The following TSG101 variants were observed in gnomAD, a reference collection of about 807,000 sequenced individuals.
The protein encoded by TSG101 is tumor susceptibility gene 101 protein.
In TSG101, 19 loss-of-function variants were observed where a neutral mutation model predicts 48.5. The observed-to-expected ratio is 0.39, with a 90% CI of 0.27 to 0.58. The LOEUF (loss-of-function observed/expected upper bound fraction) is 0.58. Among genes scored for constraint, TSG101 ranks in the 20% least tolerant of loss-of-function variants. The pLI is 0.55. For missense variants in TSG101, 365 were observed against 484.4 expected, an observed-to-expected ratio of 0.75 and a Z score of 2.31; for synonymous variants, 174 against 169.4, an observed-to-expected ratio of 1.03 and a Z score of -0.21.
At position 18,481,811 on chromosome 11, in the gene TSG101, G is replaced by A; in HGVS notation, c.902C>T (p.Ala301Val). The A allele has an allele frequency of 1.9e-6, 3 of 1,614,076 alleles. No individual in the cohort carries two copies. The highest frequency in any genetic ancestry group is 1.3e-5 in the African/African-American group (1 of 75,036). Residue 301 changes from alanine to valine, a missense_variant, in exon 9 of 10, where the codon GCT (alanine) becomes GTT (valine). Coordinates refer to ENST00000251968, the MANE Select transcript of TSG101 (RefSeq NM_006292.4). ...LKKKDEELSSALEKMENQSEN... is the reference protein window; with the variant it reads ...LKKKDEELSSVLEKMENQSEN... ...AGACTGATTTTCCATTTTTTCCAGA[G>A]CAGAACTGAGTTCTTCATCCTTCTT...
intron 4 of TSG101, 67 bp downstream of exon 4, chr11:18,514,611 G>T (rs1280628551): frequency 7.4e-6 from 10 of 1,351,310 alleles, no homozygotes; most frequent in Non-Finnish European, 9.8e-6. Context: ...AGTGCTAAAA[G>T]AAAGCAGATG....
intron 1 of TSG101, 60 bp downstream of exon 1, chr11:18,526,715 G>T: frequency 3.2e-6 from 5 of 1,571,672 alleles, no homozygotes; most frequent in Non-Finnish European, 3.4e-6. Flanking sequence ...GGACGGACTC[G>T]ACAGGGCGCG....
At chr11:18,508,157 C>T (rs1049710809) in intron 5 of TSG101, among the ~76,000 whole-genome samples, 8 of 150,748 alleles carry the variant, frequency 5.3e-5, no homozygotes, top group Admixed American at 6.6e-5. Flanking sequence ...TTTGTCATAG[C>T]GGTCACTCGC....
chr11:18,497,118 T>C (rs1272822300), intron 7 of TSG101, among the ~76,000 whole-genome samples: 4 of 151,848 alleles, frequency 2.6e-5, no homozygotes. Flanking sequence ...AAAACAAGGA[T>C]AAATAACCAA....
At chr11:18,487,848 G>A (rs1301484964) in intron 7 of TSG101, among the ~76,000 whole-genome samples, 2 of 152,030 alleles carry the variant, frequency 1.3e-5, no homozygotes, top group Non-Finnish European at 2.9e-5. Flanking sequence ...TACAGTATTA[G>A]GCAGGAAGCT....
At chr11:18,503,533 C>T (rs1474655605) in intron 6 of TSG101, among the ~76,000 whole-genome samples, 2 of 151,940 alleles carry the variant, frequency 1.3e-5, no homozygotes, top group South Asian at 2.1e-4. Context: ...CCACCACACC[C>T]GGCTAATTTT....
chr11:18,483,021 T>TGTGTGC, intron 8 of TSG101, among the ~76,000 whole-genome samples: 1 of 141,602 alleles, frequency 7.1e-6, no homozygotes. Flanking sequence ...GAAAGGGACC[T>TGTGTGC]GTGTGCGTGT....
chr11:18,514,649 C>G (rs184370690), intron 4 of TSG101, 29 bp downstream of exon 4: 233 of 1,496,228 alleles, frequency 1.6e-4, no homozygotes, highest in Middle Eastern at 7.9e-4. Context: ...TAAAACATAA[C>G]TAATTCACAG....
rs138153893 is a variant in TSG101 at position 18,510,633 on chromosome 11, C to T, written c.358-968G>A. Among the ~76,000 whole-genome samples, 1,222 of 152,092 alleles carry T rather than the reference C, an allele frequency of 8.0e-3. 11 individuals carry two copies. The highest frequency in any genetic ancestry group is 0.017 in the Middle Eastern group (5 of 294). ...CTGTAATCCCAGCACTTTGGGAGGC[C>T]AAGGCAGGAGGATCAAATAAGGCTA... On this transcript the variant is annotated intron_variant, in intron 4 of 9. Transcript: ENST00000251968.
chr11:18,485,831 G>C (rs2133903631), intron 7 of TSG101, among the ~76,000 whole-genome samples: 1 of 152,330 alleles, frequency 6.6e-6, no homozygotes, highest in African/African-American at 2.4e-5. Flanking sequence ...CAAATGCTGA[G>C]GCAGATGGGG....
At chr11:18,500,485 T>C (rs74579352) in intron 7 of TSG101, among the ~76,000 whole-genome samples, 1 of 152,182 alleles carries the variant, frequency 6.6e-6, no homozygotes, top group Non-Finnish European at 1.5e-5. Context: ...ATAACATTTG[T>C]TATTTTTTTA....
At chr11:18,526,724 C>A in intron 1 of TSG101, 51 bp downstream of exon 1, 2 of 1,582,534 alleles carry the variant, frequency 1.3e-6, no homozygotes, top group African/African-American at 2.7e-5. Context: ...CGACAGGGCG[C>A]GGAAGGGAGC....
intron 5 of TSG101, 97 bp downstream of exon 5, chr11:18,509,445 A>G: frequency 6.9e-7 from 1 of 1,445,966 alleles, no homozygotes; most frequent in Non-Finnish European, 9.2e-7. Flanking sequence ...GATAAACTAA[A>G]AAGCAAAGAA....
intron 4 of TSG101, among the ~76,000 whole-genome samples, chr11:18,512,723 A>ATT (rs776263228): frequency 0.03 from 3,610 of 120,302 alleles, 260 homozygotes; most frequent in African/African-American, 0.1. Context: ...GGACAGACAG[A>ATT]TTTTTTTTTT....
At chr11:18,509,272 T>C (rs999603386) in intron 5 of TSG101, among the ~76,000 whole-genome samples, 1 of 152,206 alleles carries the variant, frequency 6.6e-6, no homozygotes, top group Non-Finnish European at 1.5e-5. Context: ...TGCATAATTT[T>C]AAAAATTCTA....
Position 18,481,801 on chromosome 11 carries a change from T to C in TSG101, c.912A>G (p.Lys304=), listed in dbSNP as rs999822414. The change falls in exon 9 of 10, where the codon AAA becomes AAG. Residue 304 remains lysine, a synonymous_variant. Coordinates refer to ENST00000251968, the MANE Select transcript of TSG101 (RefSeq NM_006292.4). ...KDEELSSALE[K]MENQSENNDI... ...CATTGTTTTCAGACTGATTTTCCAT[T>C]TTTTCCAGAGCAGAACTGAGTTCTT... 10 of 1,614,038 alleles carry C rather than the reference T, an allele frequency of 6.2e-6. No individual in the cohort carries two copies. In the African/African-American group the frequency reaches 1.2e-4, roughly 19 times the overall value.
chr11:18,514,572 C>T (rs1435831168), intron 4 of TSG101, 106 bp downstream of exon 4: 3 of 899,166 alleles, frequency 3.3e-6, no homozygotes, highest in Admixed American at 3.6e-5. Flanking sequence ...ATTATCTGAA[C>T]TTATCTATCC....
At chr11:18,500,810 C>CTT (rs398045025) in intron 7 of TSG101, among the ~76,000 whole-genome samples, 35 of 147,792 alleles carry the variant, frequency 2.4e-4, no homozygotes, top group South Asian at 4.3e-4. Flanking sequence ...TGTGCAGAAG[C>CTT]TTTTTTTTTT....
At position 18,519,580 on chromosome 11, in the gene TSG101, TAC is replaced by T; in HGVS notation, c.64_65del (p.Val22ThrfsTer2). The T allele has an allele frequency of 6.2e-7, 1 of 1,612,982 alleles. No homozygotes were observed. Among genetic ancestry groups the T allele is most frequent in the Non-Finnish European group, 8.5e-7 (1 of 1,179,624 alleles). On this transcript the variant is annotated frameshift_variant, in exon 2 of 10. Transcript: ENST00000251968. LOFTEE classifies it high-confidence loss of function. Reference protein sequence around the residue: ...VSKYKYRDLTVRETVNVITLY... With the variant: ...VSKYKYRDLTXRETVNVITLY... The stretch of plus-strand genomic sequence containing the variant: ...GAGTAATAACATTGACAGTTTCACG[TAC>T]AGTTAGGTCTCTGTATTTGTACTGA...
Sources: allele counts gnomAD v4.1 joint callset (sites outside exome capture counted in the v4.1 genomes callset), GRCh38; gene constraint gnomAD v4.1.1; transcripts MANE v1.5; gene names NCBI Gene and HGNC (gene_info 2026-07-23, HGNC 2026-07-21).